ZNF367: variants seen among roughly 807,000 people sequenced by gnomAD.
ZNF367 encodes the protein C2H2 zinc finger protein ZFF29.
A neutral mutation model predicts 31.8 loss-of-function variants in ZNF367; 11 were observed. The ratio of observed to expected loss-of-function variants is 0.35; its 90% CI spans 0.22 to 0.57. ZNF367 has a LOEUF of 0.57. ZNF367 is among the 20% of genes least tolerant of loss of function. ZNF367 has a pLI of 0.85. For missense variants in ZNF367, 353 were observed against 484.1 expected (o/e 0.73, Z 2.54); for synonymous variants, 199 against 202.4 (o/e 0.98, Z 0.14).
chr9:96,407,379 T>C, intron 1 of ZNF367: 3 of 1,519,808 alleles, frequency 2.0e-6, no homozygotes, highest in Non-Finnish European at 1.8e-6. Flanking sequence ...GTCGAGAGGC[T>C]CATGAACGTT....
At chr9:96,410,875 AAAAACAAAACAAAAC>A (rs750089764) in intron 1 of ZNF367, among the ~76,000 whole-genome samples, 24 of 151,282 alleles carry the variant, frequency 1.6e-4, no homozygotes, top group African/African-American at 5.6e-4. Context: ...AGACTCTGTC[AAAAACAAAACAAAAC>A]AAAACAAAAC....
At position 96,413,241 on chromosome 9, in the gene ZNF367, C is replaced by A. The variant is rs1471434528; in HGVS notation, c.420+4372G>T. Among the ~76,000 whole-genome samples, 3 of 152,202 alleles carry A rather than the reference C, an allele frequency of 2.0e-5. No individual in the cohort carries two copies. The East Asian group carries it at 5.8e-4, about 29-fold the overall frequency. ...ACAGGATAAAATGAATTAAAGAATTCAAAATGCTCAACACAGAGCCCAGCA... is the reference window on the plus strand; with the variant it reads ...ACAGGATAAAATGAATTAAAGAATTAAAAATGCTCAACACAGAGCCCAGCA... On this transcript the variant is annotated intron_variant, in intron 1 of 4. Coordinates refer to ENST00000375256, the MANE Select transcript of ZNF367 (RefSeq NM_153695.4).
intron 1 of ZNF367, among the ~76,000 whole-genome samples, chr9:96,410,908 A>T (rs112548598): frequency 1.3e-5 from 2 of 151,344 alleles, no homozygotes; most frequent in Non-Finnish European, 2.9e-5. Flanking sequence ...AACAAAAAAA[A>T]CATAGTGGCT....
At position 96,388,932 on chromosome 9, in the gene ZNF367, CT is replaced by C. The variant is rs571159887; in HGVS notation, c.831-474del. Among the ~76,000 whole-genome samples, 26 of 152,304 alleles carry C rather than the reference CT, an allele frequency of 1.7e-4. No homozygotes were observed. The East Asian group carries it at 3.9e-3, about 23-fold the overall frequency. Reference sequence around the variant, plus strand: ...TATTCAAAAACTTAAAAACACTACCCTTATTCTGTTACATGGCCAACTGATA... The same window carrying C: ...TATTCAAAAACTTAAAAACACTACCCTATTCTGTTACATGGCCAACTGATA... On this transcript the variant is annotated intron_variant, in intron 4 of 4. Coordinates refer to ENST00000375256, the MANE Select transcript of ZNF367 (RefSeq NM_153695.4).
At chr9:96,403,288 G>A (rs111392120) in intron 1 of ZNF367, among the ~76,000 whole-genome samples, 3,500 of 152,158 alleles carry the variant, frequency 0.023, 50 homozygotes, top group Middle Eastern at 0.058. Context: ...TTAAATAGCC[G>A]ATGGGTCAAA....
intron 1 of ZNF367, among the ~76,000 whole-genome samples, chr9:96,404,015 GAAATCTC>G (rs200511705): frequency 0.032 from 4,785 of 151,898 alleles, 117 homozygotes; most frequent in Non-Finnish European, 0.049. Context: ...GCAACCTGGT[GAAATCTC>G]ATTTCTACCA....
chr9:96,412,106 T>C (rs1337988877), intron 1 of ZNF367, among the ~76,000 whole-genome samples: 1 of 152,122 alleles, frequency 6.6e-6, no homozygotes, highest in Non-Finnish European at 1.5e-5. Flanking sequence ...AAATAAGCAA[T>C]GTTACTTAAA....
chr9:96,403,481 CT>C (rs906657659), intron 1 of ZNF367, among the ~76,000 whole-genome samples: 7 of 150,928 alleles, frequency 4.6e-5, no homozygotes, highest in African/African-American at 1.2e-4. Context: ...GGTTTTTTTT[CT>C]TTTTTTTTCT....
chr9:96,414,900 TATAAGA>T (rs1450928462), intron 1 of ZNF367, among the ~76,000 whole-genome samples: 2 of 152,204 alleles, frequency 1.3e-5, no homozygotes, highest in African/African-American at 4.8e-5. Context: ...TAGATTAATC[TATAAGA>T]ATAAAACCAT....
chr9:96,409,064 T>G (rs540823085), intron 1 of ZNF367, among the ~76,000 whole-genome samples: 1 of 146,632 alleles, frequency 6.8e-6, no homozygotes, highest in East Asian at 2.2e-4. Context: ...GATCTGACTG[T>G]TAAAAAAAGC....
intron 1 of ZNF367, among the ~76,000 whole-genome samples, chr9:96,401,459 G>A (rs1186811572): frequency 2.0e-5 from 3 of 151,944 alleles, no homozygotes; most frequent in Admixed American, 6.6e-5. Flanking sequence ...TCAAGAGTTC[G>A]AGACCAGCCT....
chr9:96,399,555 C>T (rs192074940), intron 1 of ZNF367, among the ~76,000 whole-genome samples: 211 of 152,300 alleles, frequency 1.4e-3, no homozygotes, highest in Non-Finnish European at 1.5e-3. Context: ...TGGTAGCTTA[C>T]GCCTATAATC....
chr9:96,390,639 T>G (rs1831460940), intron 4 of ZNF367, among the ~76,000 whole-genome samples: 1 of 151,296 alleles, frequency 6.6e-6, no homozygotes, highest in Non-Finnish European at 1.5e-5. Context: ...ATCCCAACAG[T>G]TTGGGAGGCC....
Position 96,398,333 on chromosome 9 carries a change from A to C in ZNF367, c.421-19T>G. Reference sequence around the variant, plus strand: ...TTCCATCCTGTTGATAATTTTTATAAACATTAATATAATTTATTTAACGCT... The same window carrying C: ...TTCCATCCTGTTGATAATTTTTATACACATTAATATAATTTATTTAACGCT... On this transcript the variant is annotated intron_variant, in intron 1 of 4. Transcript: ENST00000375256. 6.3e-7 allele frequency: 1 copy of C among 1,590,168 alleles called. No homozygotes were observed. The highest frequency in any genetic ancestry group is 2.2e-5 in the East Asian group (1 of 44,718).
In ZNF367 at chr9:96,418,238, G is replaced by T. The variant is rs1831863713; in HGVS notation, c.-206C>A. On this transcript the variant is annotated 5_prime_UTR_variant, in exon 1 of 5. Transcript: ENST00000375256. ...GCTGGACCCCAGCCCCAGGTCAAGC[G>T]CGCCCTCCGCTCTTTGTACTCCGCA... 1.5e-6 allele frequency: 1 copy of T among 686,944 alleles called. No individual in the cohort carries two copies. Among genetic ancestry groups the T allele is most frequent in the East Asian group, 3.4e-5 (1 of 29,234 alleles). 42.6% of individuals were successfully genotyped at this position (686,944 alleles called of 1,614,324 possible).
At position 96,386,176 on chromosome 9, in the gene ZNF367, T is replaced by G. The variant is rs1831407374; in HGVS notation, c.*2061A>C. 6.6e-6 allele frequency: 1 copy of G among 152,176 alleles called. No homozygotes were observed. The highest frequency in any genetic ancestry group is 6.5e-5 in the Admixed American group (1 of 15,274). The allele number at this position is 152,176 out of a possible 1,614,324, so 9.4% of individuals were successfully genotyped here. A position where few individuals can be genotyped will look rare whatever the true frequency, so the allele number is the denominator to read the frequency against. On this transcript the variant is annotated 3_prime_UTR_variant, in exon 5 of 5. Coordinates refer to ENST00000375256, the MANE Select transcript of ZNF367 (RefSeq NM_153695.4). ...TATCAAAAAGAACATTTTAAATGTT[T>G]CTAAATAGTTGTGATAATTTCTTAA...
rs1310289731 is a variant in ZNF367 at position 96,388,228 on chromosome 9, G to A, written c.*9C>T. 2 of 1,607,184 alleles carry A rather than the reference G, an allele frequency of 1.2e-6. No individual in the cohort carries two copies. The highest frequency in any genetic ancestry group is 2.2e-5 in the South Asian group (2 of 90,218). On this transcript the variant is annotated 3_prime_UTR_variant, in exon 5 of 5. Transcript: ENST00000375256. ...GTACTTTTGTACAGTGGAAGAGTCA[G>A]TGTCCAAGCTACTGTCGGAGTGGCG...
At chr9:96,390,071 C>G (rs1424017517) in intron 4 of ZNF367, among the ~76,000 whole-genome samples, 1 of 151,780 alleles carries the variant, frequency 6.6e-6, no homozygotes, top group African/African-American at 2.4e-5. Context: ...AGGCACCGCA[C>G]CAGGCCTGTA....
At chr9:96,400,297 G>A (rs577393223) in intron 1 of ZNF367, among the ~76,000 whole-genome samples, 37 of 150,742 alleles carry the variant, frequency 2.5e-4, no homozygotes, top group Non-Finnish European at 4.9e-4. Flanking sequence ...GGAGGCTGAG[G>A]TGGGAGAATT....
Sources: allele counts gnomAD v4.1 joint callset (sites outside exome capture counted in the v4.1 genomes callset), GRCh38; gene constraint gnomAD v4.1.1; transcripts MANE v1.5; gene names NCBI Gene and HGNC (gene_info 2026-07-23, HGNC 2026-07-21).